Variants in ADAM12 observed in about 807,000 individuals in gnomAD.
ADAM12 encodes the protein ADAM metallopeptidase domain 12.
Under a neutral mutation model 106.4 loss-of-function variants are expected in ADAM12, and 70 were observed. The ratio of observed to expected loss-of-function variants is 0.66; its 90% CI spans 0.54 to 0.80. ADAM12 has a LOEUF of 0.80. Ranked by LOEUF, ADAM12 falls within the 30% of genes least tolerant of loss-of-function variation. The probability of loss-of-function intolerance (pLI) is 0.00; values close to 1 mark genes in which losing one functional copy is unlikely to be tolerated. For missense variants in ADAM12, 1,010 were observed against 1,171.9 expected (o/e 0.86, Z 2.02); for synonymous variants, 420 against 433.5 (o/e 0.97, Z 0.39).
intron 3 of ADAM12, among the ~76,000 whole-genome samples, chr10:126,157,902 G>C (rs1225507215): frequency 1.3e-5 from 2 of 152,238 alleles, no homozygotes; most frequent in Non-Finnish European, 2.9e-5. Context: ...GAAGGTGACA[G>C]GGCCCTGAAG....
intron 10 of ADAM12, among the ~76,000 whole-genome samples, chr10:126,097,035 G>C (rs1590403787): frequency 6.6e-6 from 1 of 152,158 alleles, no homozygotes; most frequent in South Asian, 2.1e-4. Context: ...TGGTGAGATG[G>C]GTTACAGGCC....
intron 2 of ADAM12, among the ~76,000 whole-genome samples, chr10:126,286,961 C>G (rs1446374554): frequency 6.6e-6 from 1 of 152,136 alleles, no homozygotes; most frequent in African/African-American, 2.4e-5. Flanking sequence ...TGTGTTTCTG[C>G]AGCATGATAG....
At chr10:126,046,842 C>T (rs866619737) in intron 16 of ADAM12, among the ~76,000 whole-genome samples, 4 of 142,342 alleles carry the variant, frequency 2.8e-5, no homozygotes, top group East Asian at 2.1e-4. Context: ...TAGGGGAGGG[C>T]GAGACAGATT....
chr10:126,086,651 C>CA lies in ADAM12; in HGVS notation c.1145+7333dup, dbSNP rs1171936921. 5.9e-3 allele frequency among the ~76,000 whole-genome samples: 100 copies of CA among 16,926 alleles called. 13 individuals carry two copies. Among genetic ancestry groups the CA allele is most frequent in the Admixed American group, 8.4e-3 (5 of 592 alleles). The allele number at this position is 16,926 out of a possible 152,430, so 11.1% of individuals were successfully genotyped here. ...GAGATGGCCCCAATGGACTCTGCCT[C>CA]AAAAAAAAAAAAAAAAAAAAAAAAA... On this transcript the variant is annotated intron_variant, in intron 11 of 22. Coordinates refer to ENST00000448723, the MANE Select transcript of ADAM12 (RefSeq NM_001288973.2).
intron 3 of ADAM12, among the ~76,000 whole-genome samples, chr10:126,211,967 G>T (rs1957911433): frequency 6.6e-6 from 1 of 152,262 alleles, no homozygotes; most frequent in Admixed American, 6.5e-5. Flanking sequence ...TGGAGCAGTT[G>T]TGAAGTCCAG....
intron 3 of ADAM12, among the ~76,000 whole-genome samples, chr10:126,201,255 C>T (rs919319995): frequency 3.9e-5 from 6 of 152,108 alleles, no homozygotes; most frequent in Non-Finnish European, 7.4e-5. Flanking sequence ...GCAGACGTAA[C>T]CAAGCTAAGT....
chr10:126,055,124 C>T (rs1710290), intron 14 of ADAM12, among the ~76,000 whole-genome samples: 82,960 of 152,068 alleles, frequency 0.55, 22,865 homozygotes, highest in Admixed American at 0.63. Context: ...TAAATCAGAA[C>T]TATCATCCAG....
intron 3 of ADAM12, among the ~76,000 whole-genome samples, chr10:126,268,466 T>C (rs1056237939): frequency 2.8e-4 from 42 of 152,080 alleles, no homozygotes; most frequent in Admixed American, 2.6e-3. Flanking sequence ...AAGTCCCTGA[T>C]GAAGCCCAGC....
chr10:126,159,307 CAAAAAAAAAAA>C (rs3069557), intron 3 of ADAM12, among the ~76,000 whole-genome samples: 1 of 80,626 alleles, frequency 1.2e-5, no homozygotes, highest in Non-Finnish European at 2.2e-5. Flanking sequence ...GAGACTCCAT[CAAAAAAAAAAA>C]AAAAAAAAAA....
chr10:126,056,720 C>T (rs371840254), intron 14 of ADAM12, among the ~76,000 whole-genome samples: 2,035 of 78,674 alleles, frequency 0.026, 572 homozygotes, highest in African/African-American at 0.033. Context: ...TTTGTTCTTG[C>T]GATAGTTTAC....
At chr10:126,109,201 T>A (rs1955826174) in intron 7 of ADAM12, among the ~76,000 whole-genome samples, 1 of 152,168 alleles carries the variant, frequency 6.6e-6, no homozygotes, top group Non-Finnish European at 1.5e-5. Context: ...TCATAGGTGT[T>A]GAAAGAGTCT....
At position 126,049,009 on chromosome 10, in the gene ADAM12, C is replaced by T. The variant is rs1954400470; in HGVS notation, c.1917+244G>A. 6.6e-6 allele frequency among the ~76,000 whole-genome samples: 1 copy of T among 152,186 alleles called. No individual in the cohort carries two copies. Among genetic ancestry groups the T allele is most frequent in the African/African-American group, 2.4e-5 (1 of 41,434 alleles). On this transcript the variant is annotated intron_variant, in intron 16 of 22. Transcript: ENST00000448723. The surrounding 1 kb of genome is among the most constrained non-coding windows in gnomAD (Gnocchi z 4.4). Reference sequence around the variant, plus strand: ...AATTTCCTGGCTAGAAGTCCTCATGCCACCTGGAGTGTAGAAATGACTTAT... The same window carrying T: ...AATTTCCTGGCTAGAAGTCCTCATGTCACCTGGAGTGTAGAAATGACTTAT...
chr10:126,038,952 CT>C (rs34277276), intron 19 of ADAM12, among the ~76,000 whole-genome samples: 15,558 of 70,670 alleles, frequency 0.22, 221 homozygotes, highest in Non-Finnish European at 0.25. Context: ...GACACCATTT[CT>C]TTTTTTTTTT....
At chr10:126,225,958 G>A (rs979600645) in intron 3 of ADAM12, among the ~76,000 whole-genome samples, 5 of 152,078 alleles carry the variant, frequency 3.3e-5, no homozygotes, top group Non-Finnish European at 4.4e-5. Flanking sequence ...ATGGGAGTGC[G>A]GAGCAAAGTT....
intron 2 of ADAM12, among the ~76,000 whole-genome samples, chr10:126,324,722 G>C (rs1299725535): frequency 1.3e-5 from 2 of 152,200 alleles, no homozygotes; most frequent in South Asian, 4.2e-4. Context: ...ATCTTCTAGG[G>C]ACAATTAAAT....
At chr10:126,339,756 T>C (rs1415879688) in intron 1 of ADAM12, among the ~76,000 whole-genome samples, 3 of 151,116 alleles carry the variant, frequency 2.0e-5, no homozygotes, top group African/African-American at 7.3e-5. Context: ...GGAGCAGAAG[T>C]CCAGGTGGTA....
intron 1 of ADAM12, among the ~76,000 whole-genome samples, chr10:126,343,904 G>A (rs548333250): frequency 1.3e-5 from 2 of 152,048 alleles, no homozygotes; most frequent in Non-Finnish European, 2.9e-5. Context: ...TGAATTCTTT[G>A]TAGATTCTGC....
At chr10:126,123,897 TG>T (rs930332033) in intron 5 of ADAM12, among the ~76,000 whole-genome samples, 3 of 152,364 alleles carry the variant, frequency 2.0e-5, no homozygotes, top group African/African-American at 7.2e-5. Context: ...TGTAAAATCC[TG>T]TTGTTTTTCC....
At chr10:126,136,228 G>T (rs981969841) in intron 4 of ADAM12, among the ~76,000 whole-genome samples, 2 of 152,128 alleles carry the variant, frequency 1.3e-5, no homozygotes, top group Non-Finnish European at 2.9e-5. Context: ...AAAAGTTCCC[G>T]TGTGTCATGC....
Sources: allele counts gnomAD v4.1 joint callset (sites outside exome capture counted in the v4.1 genomes callset), GRCh38; gene constraint gnomAD v4.1.1; non-coding constraint Gnocchi (gnomAD v3.1); transcripts MANE v1.5; gene names NCBI Gene and HGNC (gene_info 2026-07-23, HGNC 2026-07-21).